The following PDE1C variants were observed in gnomAD, a reference collection of about 807,000 sequenced individuals.
The protein encoded by PDE1C is dual specificity calcium/calmodulin-dependent 3',5'-cyclic nucleotide phosphodiesterase 1C.
A neutral mutation model predicts 93.1 loss-of-function variants in PDE1C; 62 were observed. The observed-to-expected ratio is 0.67, with a 90% CI of 0.54 to 0.82. PDE1C has a LOEUF of 0.82. Among genes scored for constraint, PDE1C ranks in the 40% least tolerant of loss-of-function variants. PDE1C has a pLI of 0.00. For synonymous variants in PDE1C, 325 were observed against 310.1 expected (o/e 1.05, Z -0.50); for missense variants, 742 against 884.6 (o/e 0.84, Z 2.04).
intron 1 of PDE1C, among the ~76,000 whole-genome samples, chr7:32,423,366 G>T (rs1785468524): frequency 1.3e-5 from 2 of 152,106 alleles, no homozygotes; most frequent in Non-Finnish European, 2.9e-5. Context: ...AAGACAGTGA[G>T]ACCCTGTATC....
At chr7:32,231,334 C>T (rs1239239078) in intron 1 of PDE1C, among the ~76,000 whole-genome samples, 3 of 152,024 alleles carry the variant, frequency 2.0e-5, no homozygotes, top group East Asian at 1.9e-4. Flanking sequence ...CACACGCGCA[C>T]GTGCACACAC....
chr7:32,233,343 A>C (rs7786797), intron 1 of PDE1C, among the ~76,000 whole-genome samples: 15,996 of 152,238 alleles, frequency 0.11, 900 homozygotes, highest in East Asian at 0.13. Context: ...ACATTACAAT[A>C]ACATGCTAAA....
chr7:32,308,668 A>G (rs907050916), intron 1 of PDE1C, among the ~76,000 whole-genome samples: 4 of 152,266 alleles, frequency 2.6e-5, no homozygotes. Flanking sequence ...GCAAACTCCA[A>G]CAGACCTGCA....
At chr7:32,142,152 T>G (rs1320578370) in intron 3 of PDE1C, among the ~76,000 whole-genome samples, 2 of 148,030 alleles carry the variant, frequency 1.4e-5, no homozygotes, top group African/African-American at 5.0e-5. Context: ...AAGGAGAAAG[T>G]GATAGATAAG....
chr7:31,914,809 G>T (rs1341075611), intron 2 of PDE1C, among the ~76,000 whole-genome samples: 1 of 152,130 alleles, frequency 6.6e-6, no homozygotes, highest in Non-Finnish European at 1.5e-5. Flanking sequence ...CAATTAAAAA[G>T]TGTTTGGAAG....
At chr7:32,303,743 G>T (rs536390488), upstream of PDE1C, among the ~76,000 whole-genome samples, 1 of 152,130 alleles carries the variant, frequency 6.6e-6, no homozygotes, top group East Asian at 1.9e-4. Flanking sequence ...TCCACAAAGG[G>T]GCAATTTTTT....
chr7:32,325,914 A>G (rs1042002365), intron 1 of PDE1C, among the ~76,000 whole-genome samples: 2 of 152,238 alleles, frequency 1.3e-5, no homozygotes, highest in Non-Finnish European at 2.9e-5. Context: ...CATTTAAGAA[A>G]CGATTGCAAT....
the PDE1C span, among the ~76,000 whole-genome samples, chr7:31,674,249 T>C: frequency 6.6e-6 from 1 of 152,190 alleles, no homozygotes; most frequent in East Asian, 1.9e-4. Context: ...CAAACTGCTT[T>C]GAAATGCTTG....
intron 2 of PDE1C, among the ~76,000 whole-genome samples, chr7:32,196,164 T>G (rs2128826008): frequency 6.6e-6 from 1 of 152,268 alleles, no homozygotes; most frequent in South Asian, 2.1e-4. Context: ...CTTTTTCTGA[T>G]GCCATGCCAG....
intron 1 of PDE1C, among the ~76,000 whole-genome samples, chr7:32,227,644 T>A (rs1302192720): frequency 6.6e-6 from 1 of 152,182 alleles, no homozygotes; most frequent in Non-Finnish European, 1.5e-5. Context: ...ATAAGCCGCC[T>A]GCTAGAATCC....
chr7:32,079,878 A>C (rs562073389), intron 3 of PDE1C, among the ~76,000 whole-genome samples: 26 of 152,104 alleles, frequency 1.7e-4, no homozygotes, highest in African/African-American at 6.0e-4. Context: ...AATAAACCCC[A>C]CCTCTTGATG....
chr7:31,666,585 G>C, the PDE1C span, among the ~76,000 whole-genome samples: 1 of 152,134 alleles, frequency 6.6e-6, no homozygotes. Flanking sequence ...TCTTAGGAAG[G>C]AAATCAGTTG....
intron 3 of PDE1C, among the ~76,000 whole-genome samples, chr7:32,111,459 G>A (rs62458871): frequency 3.3e-5 from 5 of 152,106 alleles, no homozygotes; most frequent in African/African-American, 1.2e-4. Context: ...ATGAGATGGT[G>A]CAGGAAACAG....
chr7:32,377,664 GATACAGGTTACTATT>G (rs941674074), intron 1 of PDE1C, among the ~76,000 whole-genome samples: 2 of 152,142 alleles, frequency 1.3e-5, no homozygotes, highest in African/African-American at 2.4e-5. Flanking sequence ...ATAACACTGT[GATACAGGTTACTATT>G]ATTGTTCCCA....
intron 17 of PDE1C, among the ~76,000 whole-genome samples, chr7:31,759,050 T>G (rs539388296): frequency 3.9e-5 from 6 of 152,356 alleles, no homozygotes; most frequent in African/African-American, 9.6e-5. Flanking sequence ...CAAATAGAGT[T>G]GAACCTGCTG....
intron 1 of PDE1C, among the ~76,000 whole-genome samples, chr7:32,378,149 T>A (rs1784465723): frequency 6.6e-6 from 1 of 152,202 alleles, no homozygotes; most frequent in African/African-American, 2.4e-5. Flanking sequence ...GCATTTACTG[T>A]GTTTTATGTC....
chr7:32,238,580 C>A (rs535148135), intron 1 of PDE1C, among the ~76,000 whole-genome samples: 2 of 152,240 alleles, frequency 1.3e-5, no homozygotes, highest in African/African-American at 4.8e-5. Flanking sequence ...AACAATGGTC[C>A]AAATATAGCC....
chr7:32,078,390 T>A (rs1226412894), intron 3 of PDE1C, among the ~76,000 whole-genome samples: 1 of 152,170 alleles, frequency 6.6e-6, no homozygotes, highest in African/African-American at 2.4e-5. Context: ...GTTCAATGGT[T>A]TGCTCAGTTA....
Position 31,814,295 on chromosome 7 carries a change from T to G in PDE1C, c.1813+1629A>C, listed in dbSNP as rs535119898. On this transcript the variant is annotated intron_variant, in intron 15 of 17. Coordinates refer to ENST00000396191, the MANE Select transcript of PDE1C (RefSeq NM_001191057.4). Reference sequence around the variant, plus strand: ...GGTAGTTTGGGTACATGAAAAATTCTTATTAAATTCTTTATAACTTTTTTT... The same window carrying G: ...GGTAGTTTGGGTACATGAAAAATTCGTATTAAATTCTTTATAACTTTTTTT... Among the ~76,000 whole-genome samples, 133 of 152,206 alleles carry G rather than the reference T, an allele frequency of 8.7e-4. 1 individual carries two copies. Among genetic ancestry groups the G allele is most frequent in the African/African-American group, 3.1e-3 (129 of 41,562 alleles).
Sources: allele counts gnomAD v4.1 joint callset (sites outside exome capture counted in the v4.1 genomes callset), GRCh38; gene constraint gnomAD v4.1.1; transcripts MANE v1.5; gene names NCBI Gene and HGNC (gene_info 2026-07-23, HGNC 2026-07-21).